Variants in MLXIP observed in about 807,000 individuals in gnomAD.
The protein encoded by MLXIP is MLX-interacting protein.
MLXIP carries 30 observed loss-of-function variants against 87.2 expected under a neutral mutation model. That is an observed-to-expected ratio of 0.34 (90% CI 0.26 to 0.47). MLXIP has a LOEUF of 0.47. Among genes scored for constraint, MLXIP ranks in the 20% least tolerant of loss-of-function variants. MLXIP has a pLI of 1.00. For missense variants in MLXIP, 1,002 were observed against 1,240.1 expected, an observed-to-expected ratio of 0.81 and a Z score of 2.88; for synonymous variants, 530 against 514.0, an observed-to-expected ratio of 1.03 and a Z score of -0.42.
chr12:122,094,502 G>A lies in MLXIP; in HGVS notation c.413+15236G>A, dbSNP rs1211173113. On this transcript the variant is annotated intron_variant, in intron 1 of 16. Transcript: ENST00000319080. Reference sequence around the variant, plus strand: ...GTGGGTGTGTGTTTGCAATGTCTGTGTGTGTGGTGTGTTGGTGTGTGTGTT... The same window carrying A: ...GTGGGTGTGTGTTTGCAATGTCTGTATGTGTGGTGTGTTGGTGTGTGTGTT... 5.8e-5 allele frequency among the ~76,000 whole-genome samples: 7 copies of A among 120,712 alleles called. No homozygotes were observed. In the East Asian group the frequency reaches 1.8e-3, roughly 31 times the overall value. 79.2% of individuals were successfully genotyped at this position (120,712 alleles called of 152,430 possible). A position where few individuals can be genotyped will look rare whatever the true frequency, so the allele number is the denominator to read the frequency against.
At chr12:122,119,251 A>G (rs563919972) in intron 1 of MLXIP, among the ~76,000 whole-genome samples, 1 of 152,338 alleles carries the variant, frequency 6.6e-6, no homozygotes, top group East Asian at 1.9e-4. Context: ...CATACCATAT[A>G]TCTTGTACCT....
chr12:122,081,930 TTTG>T (rs998416092), intron 1 of MLXIP, among the ~76,000 whole-genome samples: 64 of 152,304 alleles, frequency 4.2e-4, no homozygotes, highest in Admixed American at 2.9e-3. Flanking sequence ...CACTCTGCTT[TTTG>T]TTGTTGTTGT....
chr12:122,134,181 C>A, intron 9 of MLXIP, 194 bp downstream of exon 9: 3 of 677,876 alleles, frequency 4.4e-6, no homozygotes, highest in Admixed American at 3.8e-5. Flanking sequence ...TTTCTATGCT[C>A]TATCTTTTTT....
intron 1 of MLXIP, among the ~76,000 whole-genome samples, chr12:122,097,617 A>AG (rs1252170365): frequency 6.6e-6 from 1 of 150,920 alleles, no homozygotes; most frequent in African/African-American, 2.4e-5. Flanking sequence ...TGCCTCTAAA[A>AG]AAAAAAAAAA....
Position 122,145,259 on chromosome 12 carries a change from C to G in MLXIP, c.*3447C>G, listed in dbSNP as rs538913064. The G allele has an allele frequency of 2.6e-5, 4 of 152,306 alleles. No homozygotes were observed. The highest frequency in any genetic ancestry group is 5.9e-5 in the Non-Finnish European group (4 of 68,098). 9.4% of individuals were successfully genotyped at this position (152,306 alleles called of 1,614,324 possible). A position where few individuals can be genotyped will look rare whatever the true frequency, so the allele number is the denominator to read the frequency against. On this transcript the variant is annotated 3_prime_UTR_variant, in exon 17 of 17. Coordinates refer to ENST00000319080, the MANE Select transcript of MLXIP (RefSeq NM_014938.6). ...AAAGCAGCAGACCCCCCCAGTGCTG[C>G]GCATGGTCCCGGAGCTGTCAGCCAG... is the stretch of plus-strand genomic sequence containing the variant.
intron 1 of MLXIP, among the ~76,000 whole-genome samples, chr12:122,089,410 A>G (rs1282367977): frequency 6.6e-6 from 1 of 152,216 alleles, no homozygotes; most frequent in Non-Finnish European, 1.5e-5. Flanking sequence ...TAATTATCCT[A>G]GCTTGGTGTT....
chr12:122,117,326 C>T (rs1272071276), intron 1 of MLXIP, among the ~76,000 whole-genome samples: 2 of 152,394 alleles, frequency 1.3e-5, no homozygotes, highest in South Asian at 2.1e-4. Context: ...GACATGCACA[C>T]TGCCCCTCCT....
intron 1 of MLXIP, among the ~76,000 whole-genome samples, chr12:122,119,260 C>T (rs990234576): frequency 2.4e-4 from 37 of 152,228 alleles, no homozygotes; most frequent in African/African-American, 8.9e-4. Flanking sequence ...TATCTTGTAC[C>T]TTGGTTTTAT....
intron 1 of MLXIP, among the ~76,000 whole-genome samples, chr12:122,103,211 T>G (rs376237598): frequency 0.51 from 73,162 of 142,466 alleles, 18,008 homozygotes; most frequent in Middle Eastern, 0.65. Context: ...ATTTATTTAT[T>G]TATTTATTTA....
chr12:122,086,926 C>T (rs1444055624), intron 1 of MLXIP, among the ~76,000 whole-genome samples: 2 of 152,296 alleles, frequency 1.3e-5, no homozygotes, highest in African/African-American at 4.8e-5. Context: ...CTTGTGCTGC[C>T]GCCGGCTGTC....
At chr12:122,098,254 C>A (rs1229778360) in intron 1 of MLXIP, among the ~76,000 whole-genome samples, 2 of 152,126 alleles carry the variant, frequency 1.3e-5, no homozygotes, top group Non-Finnish European at 2.9e-5. Flanking sequence ...TCTTCCGGTG[C>A]CCCCCACTTC....
At chr12:122,105,143 G>C (rs995117462) in intron 1 of MLXIP, among the ~76,000 whole-genome samples, 8 of 152,182 alleles carry the variant, frequency 5.3e-5, no homozygotes, top group African/African-American at 1.9e-4. Flanking sequence ...TGGGCCCACT[G>C]TTGGTGGTGC....
intron 1 of MLXIP, among the ~76,000 whole-genome samples, chr12:122,092,151 G>A (rs1416166240): frequency 6.6e-6 from 1 of 151,334 alleles, no homozygotes; most frequent in African/African-American, 2.4e-5. Context: ...AGACTGGAGT[G>A]CAGTGGCGCG....
intron 1 of MLXIP, among the ~76,000 whole-genome samples, chr12:122,112,999 A>G (rs1329300430): frequency 6.6e-6 from 1 of 152,212 alleles, no homozygotes; most frequent in Non-Finnish European, 1.5e-5. Flanking sequence ...AATTTTGACT[A>G]TGTTAATGAA....
intron 6 of MLXIP, 77 bp from the exon 7 acceptor site, chr12:122,130,767 C>G: frequency 1.0e-6 from 1 of 1,003,804 alleles, no homozygotes; most frequent in East Asian, 2.4e-5. Flanking sequence ...CCAGGAAGTT[C>G]TGTTCCAGGC....
intron 1 of MLXIP, among the ~76,000 whole-genome samples, chr12:122,093,217 G>A (rs1052493817): frequency 4.0e-5 from 6 of 151,012 alleles, no homozygotes; most frequent in Non-Finnish European, 8.9e-5. Flanking sequence ...GTGTTGGTGT[G>A]TGGTGTGTGT....
At position 122,141,684 on chromosome 12, in the gene MLXIP, C is replaced by T; in HGVS notation, c.2639-7C>T. On this transcript the variant is annotated splice_region_variant and splice_polypyrimidine_tract_variant and intron_variant, in intron 16 of 16. Transcript: ENST00000319080. ...ACTGCCTGTGTCTGACCCTTTCTGT[C>T]TTGCAGTGGTATTGAGCACGCTGCG... 1 of 1,613,364 alleles carries T rather than the reference C, an allele frequency of 6.2e-7. No homozygotes were observed. Among genetic ancestry groups the T allele is most frequent in the Non-Finnish European group, 8.5e-7 (1 of 1,179,628 alleles).
At position 122,133,906 on chromosome 12, in the gene MLXIP, C is replaced by A; in HGVS notation, c.1651C>A (p.Pro551Thr). ...ACCTGTATCCTTGACTGGGGGCAGG[C>A]CTAAGCAGCCCCACAAAATAGTGCC... ...PKPVSLTGGR[P>T]KQPHKIVPAP... is the part of the protein sequence containing the mutation. Residue 551 changes from proline to threonine, a missense_variant, in exon 9 of 17, where the codon CCT (proline) becomes ACT (threonine). Pro to Thr is a conservative substitution (Grantham distance 38, BLOSUM62 -1). This residue lies in a region of MLXIP where 746 missense variants were observed against 897.0 expected (regional missense o/e 0.83). Transcript: ENST00000319080. The surrounding 1 kb of genome is among the most constrained non-coding windows in gnomAD (Gnocchi z 4.9). 1 of 1,609,606 alleles carries A rather than the reference C, an allele frequency of 6.2e-7. No individual in the cohort carries two copies. The highest frequency in any genetic ancestry group is 8.5e-7 in the Non-Finnish European group (1 of 1,178,290).
chr12:122,129,769 C>A, intron 5 of MLXIP, 140 bp downstream of exon 5: 1 of 1,321,954 alleles, frequency 7.6e-7, no homozygotes, highest in Non-Finnish European at 1.1e-6. Context: ...AGAAGCAGTC[C>A]AGCTCTCTCT....
Sources: allele counts gnomAD v4.1 joint callset (sites outside exome capture counted in the v4.1 genomes callset), GRCh38; gene constraint gnomAD v4.1.1; regional missense constraint gnomAD v4.1.1; non-coding constraint Gnocchi (gnomAD v3.1); transcripts MANE v1.5; gene names NCBI Gene and HGNC (gene_info 2026-07-23, HGNC 2026-07-21).